B3GALT1: variants seen among roughly 807,000 people sequenced by gnomAD.
B3GALT1 encodes beta-1,3-galactosyltransferase 1, also known as UDP-Gal:betaGlcNAc beta 1,3-galactosyltransferase, polypeptide 1.
In B3GALT1, 10 loss-of-function variants were observed where a neutral mutation model predicts 23.2. That is an observed-to-expected ratio of 0.43 (90% CI 0.27 to 0.73). The LOEUF is 0.73. Among genes scored for constraint, B3GALT1 ranks in the 30% least tolerant of loss-of-function variants. B3GALT1 has a pLI of 0.21. For synonymous variants in B3GALT1, 156 were observed against 141.5 expected (o/e 1.10, Z -0.73); for missense variants, 299 against 405.4 (o/e 0.74, Z 2.25).
intron 1 of B3GALT1, among the ~76,000 whole-genome samples, chr2:167,320,474 G>A (rs940175628): frequency 2.0e-5 from 3 of 151,984 alleles, no homozygotes; most frequent in Non-Finnish European, 2.9e-5. Context: ...ACAGGTGTGA[G>A]ACACTGCACT....
intron 2 of B3GALT1, among the ~76,000 whole-genome samples, chr2:167,495,963 A>G (rs926407479): frequency 1.3e-5 from 2 of 152,208 alleles, no homozygotes; most frequent in Non-Finnish European, 2.9e-5. Context: ...GAACCTTTAA[A>G]TATAGGTACA....
At chr2:167,641,128 G>T (rs1181986338) in intron 2 of B3GALT1, among the ~76,000 whole-genome samples, 3 of 152,276 alleles carry the variant, frequency 2.0e-5, no homozygotes, top group South Asian at 2.1e-4. Flanking sequence ...AAAGTATGCT[G>T]TCAAAGTGCT....
intron 3 of B3GALT1, among the ~76,000 whole-genome samples, chr2:167,672,615 C>T (rs753776820): frequency 4.6e-5 from 7 of 152,066 alleles, no homozygotes; most frequent in Non-Finnish European, 1.0e-4. Context: ...AAGTCTAATC[C>T]CCCTGTGGCC....
chr2:167,409,093 A>G (rs1311179802), intron 1 of B3GALT1, among the ~76,000 whole-genome samples: 1 of 152,228 alleles, frequency 6.6e-6, no homozygotes, highest in East Asian at 1.9e-4. Context: ...GACTAAATCT[A>G]GAGACATCCC....
chr2:167,525,251 G>A (rs549294185), intron 2 of B3GALT1, among the ~76,000 whole-genome samples: 70 of 152,268 alleles, frequency 4.6e-4, no homozygotes, highest in Non-Finnish European at 8.5e-4. Flanking sequence ...TTTGAGAAAG[G>A]AAATTGTGTT....
intron 4 of B3GALT1, among the ~76,000 whole-genome samples, chr2:167,859,626 A>G (rs937910343): frequency 6.6e-6 from 1 of 152,092 alleles, no homozygotes; most frequent in Non-Finnish European, 1.5e-5. Context: ...GGTTCAAATC[A>G]TTTCTTCCAG....
At chr2:167,496,216 G>A (rs1699781064) in intron 2 of B3GALT1, among the ~76,000 whole-genome samples, 1 of 152,174 alleles carries the variant, frequency 6.6e-6, no homozygotes, top group Non-Finnish European at 1.5e-5. Context: ...GTCAATACCA[G>A]CTTGGCTAAA....
chr2:167,361,221 T>G (rs1249448658), intron 1 of B3GALT1, among the ~76,000 whole-genome samples: 3 of 150,708 alleles, frequency 2.0e-5, no homozygotes, highest in African/African-American at 7.3e-5. Context: ...AGTTTTTTTT[T>G]TTTTTTTTTT....
At chr2:167,835,510 A>G (rs1689444220) in intron 4 of B3GALT1, among the ~76,000 whole-genome samples, 1 of 152,244 alleles carries the variant, frequency 6.6e-6, no homozygotes, top group South Asian at 2.1e-4. Flanking sequence ...ATGCTTGCTT[A>G]GGTAAACAAA....
intron 1 of B3GALT1, among the ~76,000 whole-genome samples, chr2:167,431,179 A>G (rs1354604676): frequency 6.6e-6 from 1 of 152,252 alleles, no homozygotes; most frequent in Admixed American, 6.5e-5. Context: ...CGACCTTCAC[A>G]TAGAGTAAAG....
intron 3 of B3GALT1, among the ~76,000 whole-genome samples, chr2:167,668,904 G>T (rs557732403): frequency 2.6e-5 from 4 of 152,172 alleles, no homozygotes; most frequent in Non-Finnish European, 5.9e-5. Flanking sequence ...GAGATCACCC[G>T]TCTTCTGCGT....
chr2:167,664,294 G>A (rs1686131019), intron 3 of B3GALT1, among the ~76,000 whole-genome samples: 1 of 151,478 alleles, frequency 6.6e-6, no homozygotes, highest in South Asian at 2.1e-4. Flanking sequence ...TTATTTCTGA[G>A]GGCTCTGTTC....
chr2:167,731,750 C>G (rs1335487768), intron 3 of B3GALT1, among the ~76,000 whole-genome samples: 1 of 152,214 alleles, frequency 6.6e-6, no homozygotes, highest in East Asian at 1.9e-4. Flanking sequence ...AAGGCAGCCT[C>G]TGTTTCCTGT....
rs145793177 is a variant in B3GALT1 at position 167,362,616 on chromosome 2, C to T, written c.-511+69282C>T. Among the ~76,000 whole-genome samples the T allele has an allele frequency of 8.6e-5, 13 of 151,888 alleles. 1 individual carries two copies. The East Asian group carries it at 1.9e-3, about 23-fold the overall frequency. On this transcript the variant is annotated intron_variant, in intron 1 of 4. Transcript: ENST00000392690. ...TGTCCCCGTTGTCTCTTGCTGTAGT[C>T]CACCTTTTTCCTTCTGGGCCTTATT...
rs562034542 is a variant in B3GALT1, at chr2:167,315,624, A to G, written c.-511+22290A>G. Among the ~76,000 whole-genome samples, 5 of 152,276 alleles carry G rather than the reference A, an allele frequency of 3.3e-5. No individual in the cohort carries two copies. In the South Asian group the frequency reaches 1.0e-3, roughly 32 times the overall value. On this transcript the variant is annotated intron_variant, in intron 1 of 4. Coordinates refer to ENST00000392690, the MANE Select transcript of B3GALT1 (RefSeq NM_020981.4). ...AGGTATTTGTACCTTGAATATAATT[A>G]TTATGAAATTCAAAATGTATTTTCT...
intron 3 of B3GALT1, among the ~76,000 whole-genome samples, chr2:167,679,532 G>A (rs780380007): frequency 5.9e-5 from 9 of 152,296 alleles, no homozygotes; most frequent in South Asian, 2.1e-4. Flanking sequence ...GGGATTACAG[G>A]CGTGAGCTAC....
intron 2 of B3GALT1, among the ~76,000 whole-genome samples, chr2:167,573,854 G>A (rs181461917): frequency 6.6e-6 from 1 of 151,572 alleles, no homozygotes; most frequent in Admixed American, 6.6e-5. Context: ...CTGACAAGGT[G>A]CAATTCAAGA....
At chr2:167,467,291 C>G (rs1463022890) in intron 1 of B3GALT1, among the ~76,000 whole-genome samples, 6 of 151,924 alleles carry the variant, frequency 3.9e-5, no homozygotes, top group African/African-American at 1.5e-4. Flanking sequence ...AGAAGAAAAC[C>G]CAAGTATTCT....
chr2:167,300,077 G>C (rs913575197), intron 1 of B3GALT1, among the ~76,000 whole-genome samples: 2 of 151,840 alleles, frequency 1.3e-5, no homozygotes, highest in East Asian at 1.9e-4. Flanking sequence ...TATTTCTTTT[G>C]TATTTTTAGT....
Sources: allele counts gnomAD v4.1 joint callset (sites outside exome capture counted in the v4.1 genomes callset), GRCh38; gene constraint gnomAD v4.1.1; transcripts MANE v1.5; gene names NCBI Gene and HGNC (gene_info 2026-07-23, HGNC 2026-07-21).